RASSF3: variants seen among roughly 807,000 people sequenced by gnomAD.
RASSF3 encodes the protein ras association domain-containing protein 3.
RASSF3 carries 19 observed loss-of-function variants against 19.9 expected under a neutral mutation model. The observed-to-expected ratio is 0.96, with a 90% CI of 0.67 to 1.40. The LOEUF (loss-of-function observed/expected upper bound fraction) is 1.40, where lower values mean the gene tolerates loss of function less well. Among genes scored for constraint, RASSF3 ranks in the 40% most tolerant of loss-of-function variants. The pLI, the probability that RASSF3 is intolerant of heterozygous loss-of-function variation, is 0.00. For missense variants in RASSF3, 306 were observed against 289.8 expected, an observed-to-expected ratio of 1.06 and a Z score of -0.41; for synonymous variants, 110 against 104.2, an observed-to-expected ratio of 1.06 and a Z score of -0.34.
At chr12:64,520,553 C>CATATAT (rs1287781762) in intron 1 of RASSF3, among the ~76,000 whole-genome samples, 17 of 30,466 alleles carry the variant, frequency 5.6e-4, no homozygotes, top group South Asian at 3.0e-3. Context: ...CACACATACA[C>CATATAT]ACATATATAT....
chr12:64,631,175 A>T (rs1247014334), intron 1 of RASSF3, among the ~76,000 whole-genome samples: 1 of 152,214 alleles, frequency 6.6e-6, no homozygotes, highest in East Asian at 1.9e-4. Flanking sequence ...GGGCATGTCC[A>T]TGGAGGAACC....
chr12:64,590,520 G>T (rs1869903013), intron 2 of RASSF3, among the ~76,000 whole-genome samples: 1 of 152,136 alleles, frequency 6.6e-6, no homozygotes, highest in Admixed American at 6.6e-5. Context: ...ACACATATGT[G>T]CACGCAAACA....
At chr12:64,581,737 A>G (rs1224356201) in intron 2 of RASSF3, among the ~76,000 whole-genome samples, 1 of 151,430 alleles carries the variant, frequency 6.6e-6, no homozygotes, top group Non-Finnish European at 1.5e-5. Flanking sequence ...CCAAAGCCCA[A>G]AGAAGGATGT....
chr12:64,604,422 A>T (rs1870149490), intron 2 of RASSF3, among the ~76,000 whole-genome samples: 1 of 151,754 alleles, frequency 6.6e-6, no homozygotes, highest in Admixed American at 6.6e-5. Flanking sequence ...CACTGTGCCC[A>T]GCCCAGGCTG....
At chr12:64,666,130 A>G (rs557120777) in intron 1 of RASSF3, among the ~76,000 whole-genome samples, 8 of 152,326 alleles carry the variant, frequency 5.3e-5, no homozygotes, top group East Asian at 1.9e-4. Context: ...TTTATTGCCT[A>G]TTGCTCATAT....
chr12:64,622,490 G>A (rs1164166444), intron 1 of RASSF3: 2 of 531,066 alleles, frequency 3.8e-6, no homozygotes, highest in Non-Finnish European at 7.7e-6. Context: ...TTGAAAAATT[G>A]CGATGAGAAA....
intron 2 of RASSF3, among the ~76,000 whole-genome samples, chr12:64,562,145 A>G (rs1317616447): frequency 1.3e-5 from 2 of 151,970 alleles, no homozygotes; most frequent in African/African-American, 4.8e-5. Flanking sequence ...GGTTCAAGAG[A>G]TTCTTCTGCC....
chr12:64,641,429 T>C lies in RASSF3; in HGVS notation c.111+30686T>C, dbSNP rs533952216. Reference sequence around the variant, plus strand: ...ACACACACACACGCGCGCGCGCGCGTTGAAAACAAATGAGAAACCCTATGG... The same window carrying C: ...ACACACACACACGCGCGCGCGCGCGCTGAAAACAAATGAGAAACCCTATGG... On this transcript the variant is annotated intron_variant, in intron 1 of 4. Transcript: ENST00000542104. 1.5e-3 allele frequency among the ~76,000 whole-genome samples: 90 copies of C among 60,898 alleles called. 1 individual carries two copies. Among genetic ancestry groups the C allele is most frequent in the African/African-American group, 6.1e-3 (83 of 13,512 alleles). 40.0% of individuals were successfully genotyped at this position (60,898 alleles called of 152,430 possible).
chr12:64,618,337 A>T (rs1870623059), intron 1 of RASSF3, among the ~76,000 whole-genome samples: 1 of 151,466 alleles, frequency 6.6e-6, no homozygotes, highest in South Asian at 2.1e-4. Context: ...TTTTATTTTT[A>T]TTTTTTTTGA....
At chr12:64,588,601 G>A (rs17457696) in intron 2 of RASSF3, among the ~76,000 whole-genome samples, 4,744 of 151,756 alleles carry the variant, frequency 0.031, 270 homozygotes, top group African/African-American at 0.11. Flanking sequence ...ATTAAATGTA[G>A]GAAAGCATTT....
At chr12:64,664,515 A>G (rs17176378) in intron 1 of RASSF3, among the ~76,000 whole-genome samples, 16,881 of 152,120 alleles carry the variant, frequency 0.11, 1,244 homozygotes, top group South Asian at 0.22. Context: ...GCCCTGGTAT[A>G]TGTTTTAAGT....
chr12:64,525,842 T>C (rs1421259468), intron 1 of RASSF3, among the ~76,000 whole-genome samples: 1 of 152,168 alleles, frequency 6.6e-6, no homozygotes, highest in African/African-American at 2.4e-5. Flanking sequence ...GCCATTTGAT[T>C]CCTCGCTGCT....
chr12:64,665,823 G>T lies in RASSF3; in HGVS notation c.112-18964G>T, dbSNP rs541752867. ...CCTTCTACCGCAGGGTCGCTCTTCA[G>T]CTCTTTCCTAAGTGCAGTTGAGAAT... On this transcript the variant is annotated intron_variant, in intron 1 of 4. Transcript: ENST00000542104. Among the ~76,000 whole-genome samples the T allele has an allele frequency of 2.0e-5, 3 of 152,338 alleles. No individual in the cohort carries two copies. In the East Asian group the frequency reaches 5.8e-4, roughly 29 times the overall value.
At chr12:64,634,278 G>T (rs74392469) in intron 1 of RASSF3, among the ~76,000 whole-genome samples, 14 of 150,578 alleles carry the variant, frequency 9.3e-5, no homozygotes, top group Non-Finnish European at 1.8e-4. Context: ...AGGGTCTGCT[G>T]CTGTGAGCTT....
rs1359876321 is a variant in RASSF3, at chr12:64,693,142, CTCTT to C, written c.567+1565_567+1568del. ...AGTTTTGCTCTCCTACTCCATGTTG[CTCTT>C]TTTTTTTTTTTTTTTTTTAAATAAC... On this transcript the variant is annotated intron_variant, in intron 4 of 4. Transcript: ENST00000542104. 3.0e-3 allele frequency among the ~76,000 whole-genome samples: 413 copies of C among 136,544 alleles called. 2 individuals carry two copies. The highest frequency in any genetic ancestry group is 0.011 in the African/African-American group (377 of 34,596). 89.6% of individuals were successfully genotyped at this position (136,544 alleles called of 152,430 possible). A position where few individuals can be genotyped will look rare whatever the true frequency, so the allele number is the denominator to read the frequency against.
chr12:64,659,902 G>A (rs917974428), intron 1 of RASSF3, among the ~76,000 whole-genome samples: 1 of 151,778 alleles, frequency 6.6e-6, no homozygotes, highest in Non-Finnish European at 1.5e-5. Context: ...GAGCTGAGAT[G>A]GCGCCACTAC....
chr12:64,668,431 C>G (rs554638945), intron 1 of RASSF3, among the ~76,000 whole-genome samples: 201 of 152,212 alleles, frequency 1.3e-3, no homozygotes, highest in Non-Finnish European at 2.0e-3. Context: ...GCCATCACAC[C>G]TGGCTAGTTT....
rs372379990 is a variant in RASSF3, at chr12:64,568,296, G to A, written c.294+26591G>A. On this transcript the variant is annotated intron_variant, in intron 2 of 5. Transcript: ENST00000637125. ...GATCCACCTGCCTTGGCCTCCCAAA[G>A]AGCTGGGATTACAGGCGTGAGCCAT... Among the ~76,000 whole-genome samples the A allele has an allele frequency of 1.1e-4, 17 of 152,256 alleles. No individual in the cohort carries two copies. The East Asian group carries it at 2.5e-3, about 22-fold the overall frequency.
At chr12:64,629,327 C>G (rs1386969107) in intron 1 of RASSF3, among the ~76,000 whole-genome samples, 1 of 151,414 alleles carries the variant, frequency 6.6e-6, no homozygotes, top group Non-Finnish European at 1.5e-5. Context: ...AGGCTGGTCT[C>G]AAACACCTGG....
Sources: gnomAD v4.1 joint callset for allele counts (sites outside exome capture counted in the v4.1 genomes callset) on GRCh38, gnomAD v4.1.1 for gene constraint, MANE v1.5 for transcripts, NCBI Gene and HGNC (gene_info 2026-07-23, HGNC 2026-07-21) for gene names.